Variants in CBFA2T2 observed in about 807,000 individuals in gnomAD.
CBFA2T2 encodes the protein protein CBFA2T2.
In CBFA2T2, 11 loss-of-function variants were observed where a neutral mutation model predicts 62.2. The observed-to-expected ratio is 0.18, with a 90% CI of 0.11 to 0.29. The LOEUF is 0.29. Among genes scored for constraint, CBFA2T2 ranks in the 10% least tolerant of loss-of-function variants. The pLI is 1.00. For missense variants in CBFA2T2, 592 were observed against 774.1 expected (o/e 0.76, Z 2.79); for synonymous variants, 295 against 287.5 (o/e 1.03, Z -0.27).
chr20:33,497,924 T>C (rs1365565858), intron 1 of CBFA2T2, among the ~76,000 whole-genome samples: 1 of 152,118 alleles, frequency 6.6e-6, no homozygotes, highest in African/African-American at 2.4e-5. Context: ...TTCCAATGAT[T>C]CTCCTGCCTT....
chr20:33,574,316 C>G, intron 1 of CBFA2T2: 1 of 1,549,246 alleles, frequency 6.5e-7, no homozygotes. Flanking sequence ...CAGAAATATA[C>G]TCTTCCCTAG....
At chr20:33,516,597 C>T (rs979373838) in intron 1 of CBFA2T2, among the ~76,000 whole-genome samples, 2 of 152,268 alleles carry the variant, frequency 1.3e-5, no homozygotes, top group African/African-American at 4.8e-5. Context: ...CATGGTGAAA[C>T]CCTGTGCTGG....
At chr20:33,544,945 CAGAAT>C (rs765681667) in intron 1 of CBFA2T2, among the ~76,000 whole-genome samples, 31,264 of 130,436 alleles carry the variant, frequency 0.24, 4,075 homozygotes, top group Non-Finnish European at 0.29. Flanking sequence ...TAGAATAGAA[CAGAAT>C]AGAATAGAAT....
chr20:33,540,741 C>T (rs190005490), intron 1 of CBFA2T2, among the ~76,000 whole-genome samples: 3 of 152,048 alleles, frequency 2.0e-5, no homozygotes, highest in African/African-American at 7.2e-5. Flanking sequence ...TAGTAAAAGC[C>T]GTAGTAATCA....
chr20:33,633,125 C>T (rs184116231), intron 8 of CBFA2T2, among the ~76,000 whole-genome samples: 2 of 152,128 alleles, frequency 1.3e-5, no homozygotes, highest in African/African-American at 4.8e-5. Context: ...AATCCCCGCA[C>T]TTTGGGAGGC....
intron 9 of CBFA2T2, among the ~76,000 whole-genome samples, chr20:33,637,670 C>CTTT (rs561146788): frequency 7.0e-6 from 1 of 141,962 alleles, no homozygotes; most frequent in African/African-American, 2.6e-5. Context: ...CTCACTTTTC[C>CTTT]TTTTTTTTTT....
At chr20:33,555,692 A>G (rs1360435683) in intron 1 of CBFA2T2, among the ~76,000 whole-genome samples, 1 of 152,204 alleles carries the variant, frequency 6.6e-6, no homozygotes, top group Non-Finnish European at 1.5e-5. Context: ...AAATCAGAAA[A>G]TGTAATAATG....
intron 1 of CBFA2T2, among the ~76,000 whole-genome samples, chr20:33,498,537 G>A (rs1034949593): frequency 6.6e-6 from 1 of 152,004 alleles, no homozygotes; most frequent in African/African-American, 2.4e-5. Context: ...ATAGGCGTGA[G>A]CTACCGCGCC....
At chr20:33,499,818 G>GA (rs980462027) in intron 1 of CBFA2T2, among the ~76,000 whole-genome samples, 1 of 151,288 alleles carries the variant, frequency 6.6e-6, no homozygotes, top group African/African-American at 2.4e-5. Flanking sequence ...CTCCATCTCA[G>GA]AAAAAAGAAA....
chr20:33,571,977 G>A (rs1202898465), intron 1 of CBFA2T2, among the ~76,000 whole-genome samples: 11 of 152,210 alleles, frequency 7.2e-5, no homozygotes, highest in African/African-American at 2.6e-4. Flanking sequence ...CATAACCTCC[G>A]CCTCCCAGGT....
chr20:33,563,247 A>C lies in CBFA2T2; in HGVS notation c.35-43709A>C, dbSNP rs532092242. Among the ~76,000 whole-genome samples the C allele has an allele frequency of 1.3e-5, 2 of 152,338 alleles. 1 individual carries two copies. The highest frequency in any genetic ancestry group is 4.1e-4 in the South Asian group (2 of 4,830). ...GCTACATATAAAATAAATAACATCA[A>C]TGAATCTGACTTGAATTGTGAGTTT... is the stretch of plus-strand genomic sequence containing the variant. On this transcript the variant is annotated intron_variant, in intron 1 of 10. Transcript: ENST00000342704.
chr20:33,533,454 C>T (rs1600938055), intron 1 of CBFA2T2, among the ~76,000 whole-genome samples: 2 of 152,278 alleles, frequency 1.3e-5, no homozygotes, highest in East Asian at 3.9e-4. Flanking sequence ...TGGTTTCTTT[C>T]ATCCAGCATA....
intron 1 of CBFA2T2, among the ~76,000 whole-genome samples, chr20:33,496,178 C>T (rs2011197646): frequency 1.3e-5 from 2 of 152,128 alleles, no homozygotes; most frequent in South Asian, 4.1e-4. Flanking sequence ...GGAGGCTTTT[C>T]CCAGGAGAAG....
chr20:33,571,742 G>A (rs955577408), intron 1 of CBFA2T2, among the ~76,000 whole-genome samples: 8 of 152,202 alleles, frequency 5.3e-5, no homozygotes, highest in African/African-American at 1.7e-4. Flanking sequence ...GAATCTGTAA[G>A]TAGTACACTC....
chr20:33,637,992 T>G (rs1317105920), intron 9 of CBFA2T2, among the ~76,000 whole-genome samples: 11 of 120,122 alleles, frequency 9.2e-5, no homozygotes, highest in African/African-American at 3.5e-4. Context: ...TTTTTTTTTT[T>G]GAGATGGATT....
chr20:33,550,714 C>T lies in CBFA2T2; in HGVS notation c.35-56242C>T, dbSNP rs539724104. 3.9e-5 allele frequency among the ~76,000 whole-genome samples: 6 copies of T among 152,028 alleles called. No homozygotes were observed. In the South Asian group the frequency reaches 6.3e-4, roughly 16 times the overall value. ...GTTAGCTCGCTGCAACCTCCGCTCC[C>T]GGGTTCAAGCAATTCTCCTGCCTCA... On this transcript the variant is annotated intron_variant, in intron 1 of 10. Coordinates refer to ENST00000342704, the MANE Select transcript of CBFA2T2 (RefSeq NM_001032999.3).
intron 10 of CBFA2T2, among the ~76,000 whole-genome samples, chr20:33,643,453 G>A (rs1449189065): frequency 7.0e-6 from 1 of 142,504 alleles, no homozygotes; most frequent in African/African-American, 2.6e-5. Flanking sequence ...GCACATGCCT[G>A]TAGTCCCAGC....
chr20:33,642,114 TTTTGTGTGTGTGTGTGTG>T (rs1451351927), intron 10 of CBFA2T2, among the ~76,000 whole-genome samples: 9 of 62,806 alleles, frequency 1.4e-4, no homozygotes, highest in South Asian at 1.2e-3. Context: ...TCTTTTTTTT[TTTTGTGTGTGTGTGTGTG>T]TGTGTGTGTG....
At chr20:33,625,956 G>C (rs138328641) in intron 6 of CBFA2T2, among the ~76,000 whole-genome samples, 3,413 of 152,260 alleles carry the variant, frequency 0.022, 120 homozygotes, top group African/African-American at 0.078. Flanking sequence ...CAAAAACTTA[G>C]CTGGGCGTGG....
Sources: gnomAD v4.1 joint callset for allele counts (sites outside exome capture counted in the v4.1 genomes callset) on GRCh38, gnomAD v4.1.1 for gene constraint, MANE v1.5 for transcripts, NCBI Gene and HGNC (gene_info 2026-07-23, HGNC 2026-07-21) for gene names.